Variants in MTUS1 observed in about 807,000 individuals in gnomAD.
MTUS1 encodes the protein microtubule-associated tumor suppressor 1.
Under a neutral mutation model 120.8 loss-of-function variants are expected in MTUS1, and 109 were observed. The observed-to-expected ratio is 0.90, with a 90% CI of 0.77 to 1.06. The LOEUF is 1.06. MTUS1 is among the 50% of genes least tolerant of loss of function. The pLI is 0.00. For missense variants in MTUS1, 2,210 were observed against 1,486.3 expected (o/e 1.49, Z -8.01); for synonymous variants, 737 against 550.5 (o/e 1.34, Z -4.74).
At chr8:17,694,597 G>A (rs968083713) in intron 6 of MTUS1, among the ~76,000 whole-genome samples, 1 of 152,066 alleles carries the variant, frequency 6.6e-6, no homozygotes, top group African/African-American at 2.4e-5. Flanking sequence ...GAACCTGGGA[G>A]GCGGAGGTTG....
In MTUS1 at chr8:17,755,443, T is replaced by C; in HGVS notation, c.365A>G (p.His122Arg). Residue 122 changes from histidine (H) to arginine (R), a missense_variant, in exon 2 of 15, where the codon CAT becomes CGT. By Grantham distance (29) the His-to-Arg change is conservative. Transcript: ENST00000693296. ...CTGGCCCTCAACTGCTTCTAGGGAA[T>C]GACAACTGTGTTGCAGATATTTGGG... ...EKPKYLQHSC[H>R]SLEAVEGQSV... 2.5e-6 allele frequency: 4 copies of C among 1,614,224 alleles called. No individual in the cohort carries two copies. The highest frequency in any genetic ancestry group is 3.4e-6 in the Non-Finnish European group (4 of 1,180,032).
intron 6 of MTUS1, among the ~76,000 whole-genome samples, 168 bp downstream of exon 6, chr8:17,713,046 G>C (rs1243768707): frequency 1.3e-5 from 2 of 152,128 alleles, no homozygotes; most frequent in Non-Finnish European, 2.9e-5. Context: ...GGCCAGTCAT[G>C]CTTACCGTAT....
chr8:17,744,654 T>G (rs1379519185), intron 2 of MTUS1, among the ~76,000 whole-genome samples: 1 of 151,544 alleles, frequency 6.6e-6, no homozygotes, highest in Non-Finnish European at 1.5e-5. Context: ...TTTTGGCATT[T>G]TATTTTTAGT....
intron 1 of MTUS1, among the ~76,000 whole-genome samples, chr8:17,793,888 C>T (rs1487356052): frequency 1.3e-5 from 2 of 152,138 alleles, no homozygotes; most frequent in Non-Finnish European, 2.9e-5. Context: ...ACAACACAAA[C>T]ACTTACTAAC....
chr8:17,762,851 T>C (rs2049150766), intron 1 of MTUS1, among the ~76,000 whole-genome samples: 1 of 152,156 alleles, frequency 6.6e-6, no homozygotes, highest in African/African-American at 2.4e-5. Context: ...TCTATCCTTC[T>C]CCCTGGTGAT....
chr8:17,714,552 C>A (rs1563253018), intron 5 of MTUS1, among the ~76,000 whole-genome samples: 2 of 152,052 alleles, frequency 1.3e-5, no homozygotes, highest in Non-Finnish European at 2.9e-5. Flanking sequence ...CAGAAGTTGC[C>A]CACTATAAAC....
At chr8:17,771,363 T>C (rs1426233140) in intron 1 of MTUS1, among the ~76,000 whole-genome samples, 5 of 152,334 alleles carry the variant, frequency 3.3e-5, no homozygotes, top group South Asian at 2.1e-4. Flanking sequence ...TTTTGGAATT[T>C]TGAATATCAA....
At chr8:17,725,496 T>C (rs917403194) in intron 3 of MTUS1, among the ~76,000 whole-genome samples, 3 of 152,208 alleles carry the variant, frequency 2.0e-5, no homozygotes, top group African/African-American at 4.8e-5. Context: ...TCTATTAATA[T>C]TCCAACAGGC....
chr8:17,683,339 T>A (rs1815025023), intron 7 of MTUS1, among the ~76,000 whole-genome samples: 1 of 152,152 alleles, frequency 6.6e-6, no homozygotes, highest in Non-Finnish European at 1.5e-5. Flanking sequence ...AGACCAAGTC[T>A]CATCCACTTC....
intron 1 of MTUS1, among the ~76,000 whole-genome samples, chr8:17,769,917 CACACACACA>C (rs1185910114): frequency 4.8e-4 from 35 of 73,610 alleles, no homozygotes; most frequent in East Asian, 8.4e-4. Context: ...CACACACACA[CACACACACA>C]CGGGGGGGGT....
intron 8 of MTUS1, among the ~76,000 whole-genome samples, chr8:17,659,842 A>G (rs535026368): frequency 3.3e-5 from 5 of 152,226 alleles, no homozygotes; most frequent in Admixed American, 3.3e-4. Flanking sequence ...GTTTCCCCCC[A>G]ACCTGAAACT....
intron 8 of MTUS1, among the ~76,000 whole-genome samples, chr8:17,662,965 T>C (rs902911068): frequency 6.6e-6 from 1 of 152,114 alleles, no homozygotes; most frequent in African/African-American, 2.4e-5. Context: ...ACATTGAGAT[T>C]AGAAGTCAGT....
At chr8:17,653,780 T>C in intron 10 of MTUS1, 1 of 302,130 alleles carries the variant, frequency 3.3e-6, no homozygotes, top group Non-Finnish European at 6.0e-6. Context: ...TGAGTGCCAT[T>C]TCAGGGCAGG....
rs576792350 is a variant in MTUS1, at chr8:17,731,195, T to C, written c.2288-7362A>G. On this transcript the variant is annotated intron_variant, in intron 3 of 14. Transcript: ENST00000693296. ...ATACTTATTTGTGGTATTAAGATATTTGAATTGCCAAATTAAAATTTGAGA... is the reference window on the plus strand; with the variant it reads ...ATACTTATTTGTGGTATTAAGATATCTGAATTGCCAAATTAAAATTTGAGA... Among the ~76,000 whole-genome samples the C allele has an allele frequency of 2.0e-5, 3 of 152,284 alleles. No individual in the cohort carries two copies. The East Asian group carries it at 5.8e-4, about 29-fold the overall frequency.
In MTUS1 at chr8:17,672,925, C is replaced by T. The variant is rs116271489; in HGVS notation, c.2905+2261G>A. On this transcript the variant is annotated intron_variant, in intron 8 of 14. Transcript: ENST00000693296. ...TGCGGTTGCTTAATTGTGCTGTCCA[C>T]TAAAATGTAAAAAGAGCATCCTTCA... Among the ~76,000 whole-genome samples the T allele has an allele frequency of 6.8e-3, 1,039 of 152,304 alleles. 10 individuals carry two copies. The highest frequency in any genetic ancestry group is 0.024 in the African/African-American group (979 of 41,558).
intron 8 of MTUS1, among the ~76,000 whole-genome samples, chr8:17,659,620 C>G (rs1407252087): frequency 6.6e-6 from 1 of 152,150 alleles, no homozygotes; most frequent in African/African-American, 2.4e-5. Context: ...ATCGCTTGAA[C>G]CCGGGAGGCA....
At chr8:17,690,423 T>C (rs138725514) in intron 6 of MTUS1, among the ~76,000 whole-genome samples, 3 of 152,314 alleles carry the variant, frequency 2.0e-5, no homozygotes, top group South Asian at 2.1e-4. Context: ...GCAATGCTTA[T>C]ACACTGTTGG....
intron 1 of MTUS1, among the ~76,000 whole-genome samples, chr8:17,794,472 C>A (rs1447403177): frequency 1.3e-5 from 2 of 152,244 alleles, no homozygotes; most frequent in Middle Eastern, 3.4e-3. Flanking sequence ...TATGTGGGGC[C>A]TAGATTGGGG....
intron 6 of MTUS1, among the ~76,000 whole-genome samples, chr8:17,712,381 G>A (rs1484377239): frequency 6.6e-6 from 1 of 151,970 alleles, no homozygotes; most frequent in South Asian, 2.1e-4. Flanking sequence ...GTGTCACCCA[G>A]GCTGGAGTGC....
Sources: gnomAD v4.1 joint callset for allele counts (sites outside exome capture counted in the v4.1 genomes callset) on GRCh38, gnomAD v4.1.1 for gene constraint, MANE v1.5 for transcripts, NCBI Gene and HGNC (gene_info 2026-07-23, HGNC 2026-07-21) for gene names.